Variants in PIEZO2 observed in about 807,000 individuals in gnomAD.
PIEZO2 encodes the protein piezo type mechanosensitive ion channel component 2, also known as piezo-type mechanosensitive ion channel component 2.
Under a neutral mutation model 337.3 loss-of-function variants are expected in PIEZO2, and 172 were observed. The ratio of observed to expected loss-of-function variants is 0.51; its 90% CI spans 0.45 to 0.58. PIEZO2 has a LOEUF of 0.58. Among genes scored for constraint, PIEZO2 ranks in the 20% least tolerant of loss-of-function variants. The pLI is 0.00. For missense variants in PIEZO2, 3,028 were observed against 3,391.3 expected (o/e 0.89, Z 2.66); for synonymous variants, 1,251 against 1,228.5 (o/e 1.02, Z -0.38).
rs1043941916 is a variant in PIEZO2 at position 11,143,392 on chromosome 18, G to C, written c.64+5133C>G. Among the ~76,000 whole-genome samples, 14 of 152,190 alleles carry C rather than the reference G, an allele frequency of 9.2e-5. No homozygotes were observed. The highest frequency in any genetic ancestry group is 9.2e-4 in the Admixed American group (14 of 15,294). On this transcript the variant is annotated intron_variant, in intron 1 of 55. Transcript: ENST00000674853. The surrounding 1 kb of genome is among the most constrained non-coding windows in gnomAD (Gnocchi z 4.9). ...TAGCACAAGAACCCAAAAGGAAAATGACATGTTAGAAATAAAATCACATTA... is the reference window on the plus strand; with the variant it reads ...TAGCACAAGAACCCAAAAGGAAAATCACATGTTAGAAATAAAATCACATTA...
At chr18:11,010,146 G>A (rs764633385) in intron 2 of PIEZO2, among the ~76,000 whole-genome samples, 9 of 152,128 alleles carry the variant, frequency 5.9e-5, no homozygotes, top group Admixed American at 1.3e-4. Flanking sequence ...AAAATTCTGT[G>A]TATCTTTAGT....
chr18:10,991,070 A>G (rs559697211), intron 2 of PIEZO2, among the ~76,000 whole-genome samples: 27 of 151,638 alleles, frequency 1.8e-4, no homozygotes, highest in Non-Finnish European at 3.2e-4. Context: ...AAGAATTGAT[A>G]TTGTTTATTT....
chr18:10,935,545 G>A (rs2032345370), intron 3 of PIEZO2, among the ~76,000 whole-genome samples: 1 of 152,180 alleles, frequency 6.6e-6, no homozygotes, highest in African/African-American at 2.4e-5. Flanking sequence ...AGAGGTGAAA[G>A]GAATGGGGCA....
At chr18:11,118,117 T>G (rs143545493) in intron 1 of PIEZO2, among the ~76,000 whole-genome samples, 15 of 152,334 alleles carry the variant, frequency 9.8e-5, no homozygotes, top group Middle Eastern at 3.4e-3. Flanking sequence ...TCTGTTAAGT[T>G]CATCATCTGT....
chr18:10,705,798 T>C (rs2035561792), intron 40 of PIEZO2, 52 bp from the exon 41 acceptor site: 7 of 1,457,278 alleles, frequency 4.8e-6, no homozygotes, highest in Non-Finnish European at 6.3e-6. Flanking sequence ...TCCACACTCC[T>C]GGGGTTCTTT....
chr18:10,854,859 G>A lies in PIEZO2; in HGVS notation c.917+494C>T, dbSNP rs535712950. Among the ~76,000 whole-genome samples, 125 of 152,274 alleles carry A rather than the reference G, an allele frequency of 8.2e-4. No homozygotes were observed. The highest frequency in any genetic ancestry group is 2.8e-3 in the African/African-American group (117 of 41,546). On this transcript the variant is annotated intron_variant, in intron 7 of 55. Coordinates refer to ENST00000674853, the MANE Select transcript of PIEZO2 (RefSeq NM_001378183.1). This position sits in a 1 kb window ranked among gnomAD's most constrained non-coding sequence, Gnocchi z 4.6. The stretch of plus-strand genomic sequence containing the variant: ...CTCCTGAGTAGCTGGGACCACAGGT[G>A]TGCGCCCTCATGCCCAGCTAATTTT...
Position 11,111,952 on chromosome 18 carries a change from T to C in PIEZO2, c.64+36573A>G, listed in dbSNP as rs1471500802. On this transcript the variant is annotated intron_variant, in intron 1 of 55. Transcript: ENST00000674853. This position sits in a 1 kb window ranked among gnomAD's most constrained non-coding sequence, Gnocchi z 6.2. ...AAACGATCTTCTGCAGGCCACTTCA[T>C]GAGTCCCCTTGAATCCTCTGAGGTT... Among the ~76,000 whole-genome samples, 1 of 152,208 alleles carries C rather than the reference T, an allele frequency of 6.6e-6. No homozygotes were observed. Among genetic ancestry groups the C allele is most frequent in the Non-Finnish European group, 1.5e-5 (1 of 68,036 alleles).
At chr18:11,037,568 G>A (rs2036967610) in intron 2 of PIEZO2, among the ~76,000 whole-genome samples, 1 of 152,086 alleles carries the variant, frequency 6.6e-6, no homozygotes, top group South Asian at 2.1e-4. Flanking sequence ...TGTCCTATAG[G>A]GGTTCAGAAG....
chr18:11,102,345 T>C lies in PIEZO2; in HGVS notation c.65-36123A>G, dbSNP rs939105991. ...TCTCTCTTAGATAACAGACAGTTTT[T>C]GGTAATAAGTTACCAGCATAATCTC... On this transcript the variant is annotated intron_variant, in intron 1 of 55. Coordinates refer to ENST00000674853, the MANE Select transcript of PIEZO2 (RefSeq NM_001378183.1). This position sits in a 1 kb window ranked among gnomAD's most constrained non-coding sequence, Gnocchi z 5.7. 6.6e-6 allele frequency among the ~76,000 whole-genome samples: 1 copy of C among 152,378 alleles called. No individual in the cohort carries two copies. Among genetic ancestry groups the C allele is most frequent in the African/African-American group, 2.4e-5 (1 of 41,592 alleles).
At chr18:10,911,497 G>A (rs2030472654) in intron 3 of PIEZO2, among the ~76,000 whole-genome samples, 1 of 151,110 alleles carries the variant, frequency 6.6e-6, no homozygotes, top group Non-Finnish European at 1.5e-5. Context: ...GCTAACGTCT[G>A]TAATCCCAGC....
At chr18:10,910,403 T>G (rs1397917184) in intron 4 of PIEZO2, among the ~76,000 whole-genome samples, 1 of 152,066 alleles carries the variant, frequency 6.6e-6, no homozygotes, top group Non-Finnish European at 1.5e-5. Context: ...GCCAACATAG[T>G]GAAACCCTGT....
Position 11,126,466 on chromosome 18 carries a change from C to A in PIEZO2, c.64+22059G>T, listed in dbSNP as rs545877179. ...ACTCCTCACACAGTCCTCTTCCCAC[C>A]TTTAGTGCCAGTTTCTTGGTCATCT... On this transcript the variant is annotated intron_variant, in intron 1 of 55. Coordinates refer to ENST00000674853, the MANE Select transcript of PIEZO2 (RefSeq NM_001378183.1). The surrounding 1 kb of genome is among the most constrained non-coding windows in gnomAD (Gnocchi z 4.6). 1.3e-5 allele frequency among the ~76,000 whole-genome samples: 2 copies of A among 152,242 alleles called. No individual in the cohort carries two copies. Among genetic ancestry groups the A allele is most frequent in the East Asian group, 1.9e-4 (1 of 5,178 alleles).
intron 4 of PIEZO2, among the ~76,000 whole-genome samples, chr18:10,874,967 A>T (rs1226518903): frequency 6.6e-6 from 1 of 152,224 alleles, no homozygotes; most frequent in Non-Finnish European, 1.5e-5. Flanking sequence ...AAGATTTAAA[A>T]TATTCCCAAC....
At chr18:10,960,562 T>G (rs1185202101) in intron 3 of PIEZO2, among the ~76,000 whole-genome samples, 2 of 152,056 alleles carry the variant, frequency 1.3e-5, no homozygotes, top group African/African-American at 4.8e-5. Flanking sequence ...AAGACTTTTT[T>G]TTTTTTTTCC....
In PIEZO2 at chr18:10,714,805, G is replaced by A. The variant is rs755706272; in HGVS notation, c.5382C>T (p.Ala1794=). 1.3e-6 allele frequency: 2 copies of A among 1,537,178 alleles called. No homozygotes were observed. The highest frequency in any genetic ancestry group is 2.4e-5 in the South Asian group (2 of 84,056). ...GTGAATCTAAACTATCCATCCTGTG[G>A]GCTGTCTGTGCACCTGAAGCAGCTC... ...HPGAASGAQT[A]HRMDSLDSHD... Residue 1794 remains alanine, a synonymous_variant, in exon 39 of 56, where the codon GCC becomes GCT. Coordinates refer to ENST00000674853, the MANE Select transcript of PIEZO2 (RefSeq NM_001378183.1).
Position 10,815,450 on chromosome 18 carries a change from A to G in PIEZO2, c.918-8176T>C, listed in dbSNP as rs2040333857. On this transcript the variant is annotated intron_variant, in intron 7 of 55. Coordinates refer to ENST00000674853, the MANE Select transcript of PIEZO2 (RefSeq NM_001378183.1). This position sits in a 1 kb window ranked among gnomAD's most constrained non-coding sequence, Gnocchi z 4.1. Reference sequence around the variant, plus strand: ...CGTATCTCAAAGAGGTAATGTGAAGACCAGAAATGATAGGCATACGACTTT... The same window carrying G: ...CGTATCTCAAAGAGGTAATGTGAAGGCCAGAAATGATAGGCATACGACTTT... Among the ~76,000 whole-genome samples, 1 of 152,200 alleles carries G rather than the reference A, an allele frequency of 6.6e-6. No individual in the cohort carries two copies. Among genetic ancestry groups the G allele is most frequent in the Non-Finnish European group, 1.5e-5 (1 of 68,044 alleles).
At chr18:10,941,004 G>A (rs944797245) in intron 3 of PIEZO2, among the ~76,000 whole-genome samples, 5 of 151,982 alleles carry the variant, frequency 3.3e-5, no homozygotes, top group Non-Finnish European at 5.9e-5. Context: ...AATTGTACAC[G>A]ACCAAACTTG....
chr18:10,889,985 A>G (rs1290610499), intron 4 of PIEZO2, among the ~76,000 whole-genome samples: 1 of 152,230 alleles, frequency 6.6e-6, no homozygotes, highest in Non-Finnish European at 1.5e-5. Context: ...TGGCTCCCCC[A>G]GCACTGTCCA....
rs1471897569 is a variant in PIEZO2, at chr18:10,834,733, GC to G, written c.917+20619del. On this transcript the variant is annotated intron_variant, in intron 7 of 55. Transcript: ENST00000674853. The surrounding 1 kb of genome is among the most constrained non-coding windows in gnomAD (Gnocchi z 4.5). Reference sequence around the variant, plus strand: ...TCCAAAGCCCTTCCCTTTCCACAAGGCCAGGCTTCCTAGAAAAGGCAGGGTG... The same window carrying G: ...TCCAAAGCCCTTCCCTTTCCACAAGGCAGGCTTCCTAGAAAAGGCAGGGTG... Among the ~76,000 whole-genome samples the G allele has an allele frequency of 2.0e-5, 3 of 152,138 alleles. No individual in the cohort carries two copies. Among genetic ancestry groups the G allele is most frequent in the African/African-American group, 7.2e-5 (3 of 41,418 alleles).
Sources: allele counts gnomAD v4.1 joint callset (sites outside exome capture counted in the v4.1 genomes callset), GRCh38; gene constraint gnomAD v4.1.1; non-coding constraint Gnocchi (gnomAD v3.1); transcripts MANE v1.5; gene names NCBI Gene and HGNC (gene_info 2026-07-23, HGNC 2026-07-21).